The following PRKAR2B variants were observed in gnomAD, a reference collection of about 807,000 sequenced individuals.
The protein encoded by PRKAR2B is protein kinase cAMP-dependent type II regulatory subunit beta.
In PRKAR2B, 14 loss-of-function variants were observed where a neutral mutation model predicts 49.9. That is an observed-to-expected ratio of 0.28 (90% CI 0.19 to 0.44). PRKAR2B has a LOEUF of 0.44. Among genes scored for constraint, PRKAR2B ranks in the 20% least tolerant of loss-of-function variants. The pLI is 1.00. For synonymous variants in PRKAR2B, 196 were observed against 197.7 expected, an observed-to-expected ratio of 0.99 and a Z score of 0.07; for missense variants, 393 against 537.9, an observed-to-expected ratio of 0.73 and a Z score of 2.67.
chr7:107,073,932 C>T (rs532634590), intron 2 of PRKAR2B, among the ~76,000 whole-genome samples: 13 of 151,944 alleles, frequency 8.6e-5, no homozygotes, highest in African/African-American at 2.9e-4. Context: ...CATGGTGGCG[C>T]GTGCCTATAG....
rs1427042109 is a variant in PRKAR2B, at chr7:107,161,511, A to T, written c.*1929A>T. On this transcript the variant is annotated 3_prime_UTR_variant, in exon 11 of 11. Transcript: ENST00000265717. The stretch of plus-strand genomic sequence containing the variant: ...CACACTTTTATAATAAAATACATGA[A>T]TTATTGTTTTTCATACTTTTTTGCT... 1 of 152,440 alleles carries T rather than the reference A, an allele frequency of 6.6e-6. No homozygotes were observed. Among genetic ancestry groups the T allele is most frequent in the African/African-American group, 2.4e-5 (1 of 41,440 alleles). 9.4% of individuals were successfully genotyped at this position (152,440 alleles called of 1,614,324 possible).
In PRKAR2B at chr7:107,121,959, A is replaced by G. The variant is rs987316479; in HGVS notation, c.351A>G (p.Ala117=). ...NRFTRRASVC[A]EAYNPDEEED... ...TCATTTTTGTTTTTATAGTATGTGC[A>G]GAAGCTTATAATCCTGATGAAGAAG... The change falls in exon 3 of 11, where the codon GCA becomes GCG. Residue 117 remains alanine (A), a synonymous_variant. Coordinates refer to ENST00000265717, the MANE Select transcript of PRKAR2B (RefSeq NM_002736.3). 6 of 1,594,616 alleles carry G rather than the reference A, an allele frequency of 3.8e-6. No individual in the cohort carries two copies. The highest frequency in any genetic ancestry group is 5.1e-6 in the Non-Finnish European group (6 of 1,166,060).
At chr7:107,060,715 A>C (rs1286158297) in intron 1 of PRKAR2B, among the ~76,000 whole-genome samples, 1 of 145,248 alleles carries the variant, frequency 6.9e-6, no homozygotes, top group Non-Finnish European at 1.5e-5. Flanking sequence ...TCCCAATCTT[A>C]GGTTTGTCTT....
intron 2 of PRKAR2B, among the ~76,000 whole-genome samples, chr7:107,074,643 A>G (rs1222441676): frequency 6.6e-6 from 1 of 151,980 alleles, no homozygotes; most frequent in Non-Finnish European, 1.5e-5. Flanking sequence ...TACTAAAAAT[A>G]CAAAAATTAG....
intron 1 of PRKAR2B, among the ~76,000 whole-genome samples, chr7:107,066,248 T>C (rs1794139906): frequency 6.6e-6 from 1 of 151,952 alleles, no homozygotes; most frequent in African/African-American, 2.4e-5. Flanking sequence ...AGGCATACAA[T>C]ATGTTTCCTA....
intron 2 of PRKAR2B, among the ~76,000 whole-genome samples, chr7:107,111,846 A>G (rs1287708983): frequency 1.3e-5 from 2 of 151,774 alleles, no homozygotes; most frequent in African/African-American, 4.8e-5. Context: ...GAATTTCACC[A>G]GTAGTATGTA....
intron 4 of PRKAR2B, among the ~76,000 whole-genome samples, chr7:107,136,105 G>T (rs1049855579): frequency 6.6e-6 from 1 of 152,108 alleles, no homozygotes; most frequent in Non-Finnish European, 1.5e-5. Context: ...TTCAACAAAT[G>T]GTGCTGGAAA....
chr7:107,159,859 T>C lies in PRKAR2B; in HGVS notation c.*277T>C, dbSNP rs1252310486. On this transcript the variant is annotated 3_prime_UTR_variant, in exon 11 of 11. Transcript: ENST00000265717. ...AAGGTTTATTAAAATGATTGTAATA[T>C]ATAGAAAGTATCTGTGTTTAAGAAG... 6 of 309,210 alleles carry C rather than the reference T, an allele frequency of 1.9e-5. No individual in the cohort carries two copies. The East Asian group carries it at 3.5e-4, about 18-fold the overall frequency. The allele number at this position is 309,210 out of a possible 1,614,324, so 19.2% of individuals were successfully genotyped here.
intron 2 of PRKAR2B, among the ~76,000 whole-genome samples, chr7:107,119,541 G>C (rs1346889761): frequency 6.6e-6 from 1 of 152,206 alleles, no homozygotes; most frequent in Non-Finnish European, 1.5e-5. Flanking sequence ...CCAAGCTTTA[G>C]AAGTAGATAT....
intron 2 of PRKAR2B, among the ~76,000 whole-genome samples, chr7:107,079,813 A>G (rs1291356760): frequency 6.6e-6 from 1 of 152,234 alleles, no homozygotes; most frequent in African/African-American, 2.4e-5. Context: ...CTGAGAAACA[A>G]GGACACTCTG....
At chr7:107,079,036 C>G (rs1794463462) in intron 2 of PRKAR2B, among the ~76,000 whole-genome samples, 1 of 152,152 alleles carries the variant, frequency 6.6e-6, no homozygotes. Context: ...GCCTTAATTA[C>G]AGGAACACTG....
At chr7:107,151,418 T>C (rs1795984132) in intron 7 of PRKAR2B, among the ~76,000 whole-genome samples, 1 of 152,200 alleles carries the variant, frequency 6.6e-6, no homozygotes, top group African/African-American at 2.4e-5. Flanking sequence ...TCTTTTCTTC[T>C]CCTCTTAAAA....
intron 6 of PRKAR2B, among the ~76,000 whole-genome samples, chr7:107,147,717 G>C (rs1421233643): frequency 6.6e-6 from 1 of 152,236 alleles, no homozygotes; most frequent in African/African-American, 2.4e-5. Flanking sequence ...AATGTTTACA[G>C]TATATGTATT....
intron 1 of PRKAR2B, among the ~76,000 whole-genome samples, chr7:107,059,714 G>GTGTGTGTA (rs928228188): frequency 6.6e-6 from 1 of 151,910 alleles, no homozygotes; most frequent in Non-Finnish European, 1.5e-5. Flanking sequence ...GTGTGTGTGT[G>GTGTGTGTA]TGTGTATGTG....
At chr7:107,083,529 G>A (rs751508927) in intron 2 of PRKAR2B, among the ~76,000 whole-genome samples, 27 of 152,110 alleles carry the variant, frequency 1.8e-4, no homozygotes, top group Non-Finnish European at 3.1e-4. Context: ...CATTTTACAG[G>A]TATGGAAACT....
chr7:107,092,244 GTT>G (rs2116801336), intron 2 of PRKAR2B, among the ~76,000 whole-genome samples: 1 of 107,586 alleles, frequency 9.3e-6, no homozygotes, highest in Admixed American at 1.0e-4. Flanking sequence ...GAACCATTAA[GTT>G]GTGTGTGTGT....
chr7:107,087,445 A>G (rs994788919), intron 2 of PRKAR2B, among the ~76,000 whole-genome samples: 2 of 152,168 alleles, frequency 1.3e-5, no homozygotes, highest in African/African-American at 4.8e-5. Context: ...AATAGCTACC[A>G]TTTATTTAGA....
At chr7:107,156,169 C>A (rs908159558) in intron 8 of PRKAR2B, among the ~76,000 whole-genome samples, 3 of 152,102 alleles carry the variant, frequency 2.0e-5, no homozygotes, top group African/African-American at 7.2e-5. Flanking sequence ...GGGCTTAAAA[C>A]CAGACAGGTT....
intron 1 of PRKAR2B, among the ~76,000 whole-genome samples, chr7:107,055,307 T>C (rs1216936339): frequency 2.0e-5 from 3 of 152,242 alleles, no homozygotes; most frequent in Non-Finnish European, 4.4e-5. Context: ...GTGTGTTTTA[T>C]AATCCTTTGG....
Sources: allele counts gnomAD v4.1 joint callset (sites outside exome capture counted in the v4.1 genomes callset), GRCh38; gene constraint gnomAD v4.1.1; transcripts MANE v1.5; gene names NCBI Gene and HGNC (gene_info 2026-07-23, HGNC 2026-07-21).